The following CCDC18 variants were observed in gnomAD, a reference collection of about 807,000 sequenced individuals.
CCDC18 encodes the protein coiled-coil domain containing 18.
CCDC18 carries 157 observed loss-of-function variants against 196.0 expected under a neutral mutation model. The ratio of observed to expected loss-of-function variants is 0.80; its 90% CI spans 0.70 to 0.91. The LOEUF (loss-of-function observed/expected upper bound fraction) is 0.91, where lower values mean the gene tolerates loss of function less well. Ranked by LOEUF, CCDC18 falls within the 40% of genes least tolerant of loss-of-function variation. The pLI is 0.00. For synonymous variants in CCDC18, 482 were observed against 529.2 expected (o/e 0.91, Z 1.22); for missense variants, 1,465 against 1,611.6 (o/e 0.91, Z 1.56).
At chr1:93,181,133 A>C (rs1240356416) in intron 1 of CCDC18, among the ~76,000 whole-genome samples, 2 of 142,132 alleles carry the variant, frequency 1.4e-5, no homozygotes, top group African/African-American at 5.2e-5. Flanking sequence ...CCTTGGCAAT[A>C]TGGCGAGCCA....
At chr1:93,208,510 G>T (rs2783503) in intron 9 of CCDC18, among the ~76,000 whole-genome samples, 150,117 of 152,018 alleles carry the variant, frequency 0.99, 74,125 homozygotes, top group East Asian at 1. Flanking sequence ...TTGGTCAAAC[G>T]GGTCTCGAAC....
chr1:93,193,162 TAAA>T (rs957704204), intron 5 of CCDC18, among the ~76,000 whole-genome samples: 4 of 151,918 alleles, frequency 2.6e-5, no homozygotes, highest in Admixed American at 6.6e-5. Context: ...TATCAGCAAA[TAAA>T]AAAAATTTTG....
chr1:93,221,903 A>G lies in CCDC18; in HGVS notation c.2142A>G (p.Ala714=). The change falls in exon 16 of 29, where the codon GCA becomes GCG. Residue 714 remains alanine, a synonymous_variant. Coordinates refer to ENST00000690025, the MANE Select transcript of CCDC18 (RefSeq NM_001378204.1). ...TGAAGAAAGATGAAGCTTTAAAAGC[A>G]TTACAGAACCAAGTATCTGAAGAAA... ...ENMKKDEALK[A]LQNQVSEETI... The G allele has an allele frequency of 1.3e-6, 2 of 1,599,164 alleles. No homozygotes were observed. The highest frequency in any genetic ancestry group is 1.1e-5 in the South Asian group (1 of 88,938).
chr1:93,237,448 C>G (rs1288189786), intron 19 of CCDC18, among the ~76,000 whole-genome samples: 1 of 152,206 alleles, frequency 6.6e-6, no homozygotes, highest in Non-Finnish European at 1.5e-5. Flanking sequence ...TCTCCAACCC[C>G]ATCCCAACTT....
intron 22 of CCDC18, 104 bp downstream of exon 22, chr1:93,246,308 A>G (rs945800884): frequency 1.5e-6 from 1 of 647,318 alleles, no homozygotes; most frequent in Non-Finnish European, 2.7e-6. Context: ...TTTTTATAGC[A>G]TATCTTTTCT....
chr1:93,257,091 G>C (rs1663056249), intron 25 of CCDC18, among the ~76,000 whole-genome samples: 1 of 151,772 alleles, frequency 6.6e-6, no homozygotes, highest in African/African-American at 2.4e-5. Flanking sequence ...AATTAGCCAG[G>C]CATGATGGTG....
At chr1:93,227,971 A>AATATAT (rs1553175509) in intron 17 of CCDC18, among the ~76,000 whole-genome samples, 11,668 of 124,868 alleles carry the variant, frequency 0.093, 658 homozygotes, top group African/African-American at 0.11. Flanking sequence ...AAAAAAAAAA[A>AATATAT]ATATATATAT....
rs1044280376 is a variant in CCDC18 at position 93,278,653 on chromosome 1, ATTATT to A, written c.*183_*187del. ...TTAATTATATTTTTAAAGAAAATTT[ATTATT>A]TTATTTATTGTTTTTTGGCTTAAAC... On this transcript the variant is annotated 3_prime_UTR_variant, in exon 29 of 29. Transcript: ENST00000690025. 2.4e-5 allele frequency: 8 copies of A among 326,962 alleles called. No homozygotes were observed. Among genetic ancestry groups the A allele is most frequent in the African/African-American group, 1.3e-4 (6 of 46,660 alleles). The allele number at this position is 326,962 out of a possible 1,614,324, so 20.3% of individuals were successfully genotyped here. A position where few individuals can be genotyped will look rare whatever the true frequency, so the allele number is the denominator to read the frequency against.
intron 11 of CCDC18, 56 bp from the exon 12 acceptor site, chr1:93,214,687 G>T: frequency 8.2e-7 from 1 of 1,219,706 alleles, no homozygotes; most frequent in African/African-American, 1.5e-5. Context: ...AACTATTTAA[G>T]TAGGTTTTTA....
chr1:93,248,652 G>A (rs1342373987), intron 23 of CCDC18, among the ~76,000 whole-genome samples: 1 of 152,084 alleles, frequency 6.6e-6, no homozygotes, highest in Non-Finnish European at 1.5e-5. Flanking sequence ...TCCGGTTTTG[G>A]TATCAGGGTA....
At chr1:93,271,288 C>G in intron 28 of CCDC18, 1 of 985,356 alleles carries the variant, frequency 1.0e-6, no homozygotes, top group Non-Finnish European at 1.2e-6. Flanking sequence ...TATTTAAAAG[C>G]ATGAATAAGG....
At chr1:93,204,323 C>T (rs536866172) in intron 7 of CCDC18, among the ~76,000 whole-genome samples, 4 of 151,746 alleles carry the variant, frequency 2.6e-5, no homozygotes, top group Non-Finnish European at 5.9e-5. Context: ...GGAAATTGAA[C>T]GATTTTGAAT....
intron 1 of CCDC18, among the ~76,000 whole-genome samples, chr1:93,182,777 G>A (rs1341663235): frequency 1.3e-5 from 2 of 152,118 alleles, no homozygotes; most frequent in Non-Finnish European, 2.9e-5. Context: ...ACTATTGGGC[G>A]TAGGAGGAGG....
chr1:93,217,901 G>A lies in CCDC18; in HGVS notation c.1962+32G>A, dbSNP rs554184031. On this transcript the variant is annotated intron_variant, in intron 14 of 28. Transcript: ENST00000690025. ...AATACATATTTAGAATATGAGTGCT[G>A]AAAAGAAACTTAAACATTACTAGCC... 8 of 1,548,646 alleles carry A rather than the reference G, an allele frequency of 5.2e-6. No individual in the cohort carries two copies. In the East Asian group the frequency reaches 1.4e-4, roughly 26 times the overall value.
intron 6 of CCDC18, among the ~76,000 whole-genome samples, chr1:93,196,234 G>A (rs1216113468): frequency 6.6e-6 from 1 of 152,100 alleles, no homozygotes; most frequent in African/African-American, 2.4e-5. Flanking sequence ...AAGGTGAAAG[G>A]GATTGCTTGA....
upstream of CCDC18, chr1:93,180,385 C>G (rs1282066508): frequency 1.6e-6 from 2 of 1,250,166 alleles, no homozygotes; most frequent in African/African-American, 1.6e-5. Flanking sequence ...GCGGCGAACA[C>G]TCCCTCCGAA....
intron 1 of CCDC18, 34 bp from the exon 2 acceptor site, chr1:93,183,326 A>G (rs760052545): frequency 2.8e-6 from 4 of 1,446,708 alleles, no homozygotes; most frequent in Non-Finnish European, 3.7e-6. Flanking sequence ...AGAATCTTTC[A>G]GACAAGGTAC....
At chr1:93,220,995 A>G (rs1276282324) in intron 14 of CCDC18, among the ~76,000 whole-genome samples, 1 of 152,166 alleles carries the variant, frequency 6.6e-6, no homozygotes, top group Non-Finnish European at 1.5e-5. Context: ...ATTCCATAGT[A>G]TGTATGTACC....
rs182953349 is a variant in CCDC18 at position 93,261,863 on chromosome 1, C to G, written c.3685-2838C>G. 2.0e-5 allele frequency among the ~76,000 whole-genome samples: 3 copies of G among 152,116 alleles called. No individual in the cohort carries two copies. In the East Asian group the frequency reaches 5.8e-4, roughly 29 times the overall value. On this transcript the variant is annotated intron_variant, in intron 26 of 28. Transcript: ENST00000690025. ...TTCCATTAGTCCATTAGTCCATTTTCACACTGCTATAAAGAAATACCTGAG... is the reference window on the plus strand; with the variant it reads ...TTCCATTAGTCCATTAGTCCATTTTGACACTGCTATAAAGAAATACCTGAG...
Sources: allele counts gnomAD v4.1 joint callset (sites outside exome capture counted in the v4.1 genomes callset), GRCh38; gene constraint gnomAD v4.1.1; transcripts MANE v1.5; gene names NCBI Gene and HGNC (gene_info 2026-07-23, HGNC 2026-07-21).